The following DDHD1 variants were observed in gnomAD, a reference collection of about 807,000 sequenced individuals.
DDHD1 encodes DDHD domain containing 1, also known as phospholipase DDHD1.
Under a neutral mutation model 96.4 loss-of-function variants are expected in DDHD1, and 49 were observed. The observed-to-expected ratio is 0.51, with a 90% CI of 0.40 to 0.64. The LOEUF is 0.64. Ranked by LOEUF, DDHD1 falls within the 30% of genes least tolerant of loss-of-function variation. DDHD1 has a pLI of 0.00. For missense variants in DDHD1, 1,106 were observed against 1,161.2 expected (o/e 0.95, Z 0.69); for synonymous variants, 442 against 446.5 (o/e 0.99, Z 0.13).
rs185225864 is a variant in DDHD1 at position 53,066,689 on chromosome 14, G to C, written c.1504-3484C>G. Among the ~76,000 whole-genome samples the C allele has an allele frequency of 4.0e-4, 61 of 152,068 alleles. 1 individual carries two copies. In the East Asian group the frequency reaches 0.011, roughly 29 times the overall value. On this transcript the variant is annotated intron_variant, in intron 6 of 12. Transcript: ENST00000673822. ...TCTTTTTTAAAAATAGGAATAGGCC[G>C]GGCACAGTGGCTCACGCCTGTAATC... is the stretch of plus-strand genomic sequence containing the variant.
At chr14:53,058,357 C>A in intron 9 of DDHD1, 120 bp downstream of exon 9, 2 of 1,115,250 alleles carry the variant, frequency 1.8e-6, no homozygotes, top group South Asian at 1.7e-5. Context: ...TCAGATGATG[C>A]GCCCGCCTCA....
At chr14:53,103,586 C>T in intron 2 of DDHD1, 97 bp downstream of exon 2, 2 of 1,001,050 alleles carry the variant, frequency 2.0e-6, no homozygotes, top group Non-Finnish European at 2.7e-6. Context: ...TAATTCTAAA[C>T]CTCCTGAATT....
At chr14:53,084,840 C>T (rs562372184) in intron 4 of DDHD1, among the ~76,000 whole-genome samples, 7 of 152,310 alleles carry the variant, frequency 4.6e-5, no homozygotes, top group African/African-American at 1.4e-4. Context: ...ACCCAGGAGG[C>T]GCAAGGGGTC....
At chr14:53,109,834 G>GT (rs1887975957) in intron 1 of DDHD1, among the ~76,000 whole-genome samples, 1 of 152,126 alleles carries the variant, frequency 6.6e-6, no homozygotes, top group Non-Finnish European at 1.5e-5. Flanking sequence ...TCCAACCAAA[G>GT]TTTGAGTTCA....
At chr14:53,110,090 C>T (rs143478604) in intron 1 of DDHD1, among the ~76,000 whole-genome samples, 2 of 152,258 alleles carry the variant, frequency 1.3e-5, no homozygotes, top group African/African-American at 4.8e-5. Context: ...AGGTGGCTAC[C>T]CAAGGCAGAA....
intron 1 of DDHD1, among the ~76,000 whole-genome samples, chr14:53,141,419 C>A (rs1890634072): frequency 6.6e-6 from 1 of 152,186 alleles, no homozygotes; most frequent in Non-Finnish European, 1.5e-5. Context: ...CTTCGAACCC[C>A]TTGTAAACAG....
rs527734324 is a variant in DDHD1, at chr14:53,134,136, G to A, written c.838+18125C>T. ...CCTACTTTTTGCAACAGGGCTTTAC[G>A]CAGTCACTCCCACTACTTGGACTGT... On this transcript the variant is annotated intron_variant, in intron 1 of 12. Transcript: ENST00000673822. 1.2e-3 allele frequency among the ~76,000 whole-genome samples: 189 copies of A among 152,144 alleles called. 1 individual carries two copies. Among genetic ancestry groups the A allele is most frequent in the African/African-American group, 4.1e-3 (170 of 41,494 alleles).
intron 1 of DDHD1, among the ~76,000 whole-genome samples, chr14:53,105,789 T>G (rs1216901854): frequency 6.6e-6 from 1 of 152,230 alleles, no homozygotes; most frequent in African/African-American, 2.4e-5. Flanking sequence ...CTAATATGAT[T>G]GACATATTTG....
At chr14:53,094,340 A>T (rs1490826120) in intron 2 of DDHD1, among the ~76,000 whole-genome samples, 1 of 152,248 alleles carries the variant, frequency 6.6e-6, no homozygotes, top group Non-Finnish European at 1.5e-5. Context: ...ATCATAGCAG[A>T]AATCCAAAAT....
At chr14:53,070,171 C>A (rs1474659757) in intron 6 of DDHD1, among the ~76,000 whole-genome samples, 3 of 152,194 alleles carry the variant, frequency 2.0e-5, no homozygotes, top group Non-Finnish European at 4.4e-5. Context: ...CCTCCCTCCA[C>A]TCTCACTGGT....
At chr14:53,059,433 G>A (rs1446646388) in intron 8 of DDHD1, among the ~76,000 whole-genome samples, 1 of 151,628 alleles carries the variant, frequency 6.6e-6, no homozygotes, top group Non-Finnish European at 1.5e-5. Flanking sequence ...TTTTAGTAGA[G>A]ATGGGCTTTT....
rs118100788 is a variant in DDHD1, at chr14:53,068,793, G to A, written c.1503+3804C>T. ...TTTCTTAAACGAATTATCAGTTTGTGGGGATATACTTTAAGACCATGTAAA... is the reference window on the plus strand; with the variant it reads ...TTTCTTAAACGAATTATCAGTTTGTAGGGATATACTTTAAGACCATGTAAA... On this transcript the variant is annotated intron_variant, in intron 6 of 12. Coordinates refer to ENST00000673822, the MANE Select transcript of DDHD1 (RefSeq NM_001160148.2). Among the ~76,000 whole-genome samples the A allele has an allele frequency of 2.5e-3, 374 of 152,108 alleles. 1 individual carries two copies. The highest frequency in any genetic ancestry group is 2.7e-3 in the Non-Finnish European group (184 of 67,984).
chr14:53,077,146 G>C (rs1182760025), intron 4 of DDHD1, among the ~76,000 whole-genome samples: 1 of 151,598 alleles, frequency 6.6e-6, no homozygotes, highest in Admixed American at 6.6e-5. Flanking sequence ...CCTATAATTT[G>C]GTAGTTAGTT....
chr14:53,106,301 T>A (rs2139735125), intron 1 of DDHD1, among the ~76,000 whole-genome samples: 1 of 152,338 alleles, frequency 6.6e-6, no homozygotes, highest in Non-Finnish European at 1.5e-5. Context: ...AAAGACAGGT[T>A]GGCTAGCTTG....
chr14:53,152,950 T>C lies in DDHD1; in HGVS notation c.149A>G (p.Asp50Gly). 9 of 1,593,164 alleles carry C rather than the reference T, an allele frequency of 5.6e-6. No homozygotes were observed. Among genetic ancestry groups the C allele is most frequent in the Non-Finnish European group, 7.7e-6 (9 of 1,172,564 alleles). Residue 50 changes from aspartate to glycine, a missense_variant, in exon 1 of 13, where the codon GAC (aspartate) becomes GGC (glycine). By Grantham distance (94) the Asp-to-Gly change is moderately conservative. Coordinates refer to ENST00000673822, the MANE Select transcript of DDHD1 (RefSeq NM_001160148.2). ...CAGGGCCAGGGGCACGTCGCCGTCG[T>C]CCGGGTCCCCGCCGGGCAGGTGCTC... ...CFEHLPGGDPDDGDVPLALLR... is the reference protein window; with the variant it reads ...CFEHLPGGDPGDGDVPLALLR...
At chr14:53,069,580 ACTTG>A (rs1884339436) in intron 6 of DDHD1, among the ~76,000 whole-genome samples, 1 of 152,176 alleles carries the variant, frequency 6.6e-6, no homozygotes. Context: ...AATTTGCATG[ACTTG>A]CTTTATTGTG....
At chr14:53,107,730 G>A (rs1459713303) in intron 1 of DDHD1, among the ~76,000 whole-genome samples, 3 of 152,176 alleles carry the variant, frequency 2.0e-5, no homozygotes, top group Non-Finnish European at 4.4e-5. Flanking sequence ...GGCGGAGGTT[G>A]CAGTGAGCTG....
rs1166112742 is a variant in DDHD1 at position 53,040,136 on chromosome 14, G to C, written c.*6632C>G. ...GGTGAGTGGAAAGGTAGTAGGAGTA[G>C]GTTTCTATCTGGCACGGGTTCTTGG... On this transcript the variant is annotated 3_prime_UTR_variant, in exon 13 of 13. Coordinates refer to ENST00000673822, the MANE Select transcript of DDHD1 (RefSeq NM_001160148.2). 6.6e-6 allele frequency: 1 copy of C among 152,218 alleles called. No homozygotes were observed. The highest frequency in any genetic ancestry group is 6.5e-5 in the Admixed American group (1 of 15,284). The allele number at this position is 152,218 out of a possible 1,614,324, so 9.4% of individuals were successfully genotyped here.
chr14:53,075,533 T>G (rs1884881359), intron 4 of DDHD1, among the ~76,000 whole-genome samples: 1 of 152,168 alleles, frequency 6.6e-6, no homozygotes, highest in East Asian at 1.9e-4. Context: ...AGAAGCTGTC[T>G]CCATTAACAT....
Sources: allele counts gnomAD v4.1 joint callset (sites outside exome capture counted in the v4.1 genomes callset), GRCh38; gene constraint gnomAD v4.1.1; transcripts MANE v1.5; gene names NCBI Gene and HGNC (gene_info 2026-07-23, HGNC 2026-07-21).